FAM120B: variants seen among roughly 807,000 people sequenced by gnomAD.
FAM120B encodes the protein family with sequence similarity 120 member B, also known as constitutive coactivator of peroxisome proliferator-activated receptor gamma.
FAM120B carries 83 observed loss-of-function variants against 96.3 expected under a neutral mutation model. The ratio of observed to expected loss-of-function variants is 0.86; its 90% CI spans 0.72 to 1.03. The LOEUF is 1.03. Among genes scored for constraint, FAM120B ranks in the 50% least tolerant of loss-of-function variants. FAM120B has a pLI of 0.00. For missense variants in FAM120B, 1,027 were observed against 1,121.2 expected (o/e 0.92, Z 1.20); for synonymous variants, 407 against 402.7 (o/e 1.01, Z -0.13).
At chr6:170,385,815 A>G (rs958328722) in intron 6 of FAM120B, among the ~76,000 whole-genome samples, 3 of 152,244 alleles carry the variant, frequency 2.0e-5, no homozygotes, top group Non-Finnish European at 2.9e-5. Context: ...TACGTCTATC[A>G]AGCTATGAAA....
At chr6:170,359,583 TATGTGTGTGTGTACATGTGCGTGTAC>T (rs1351664067) in intron 6 of FAM120B, among the ~76,000 whole-genome samples, 5 of 151,980 alleles carry the variant, frequency 3.3e-5, no homozygotes, top group Admixed American at 6.5e-5. Context: ...GGCTAATTTA[TATGTGTGTGTGTACATGTGCGTGTAC>T]ATGTGTGTGT....
chr6:170,290,865 C>T (rs749380010), upstream of FAM120B: 1,129 of 664,134 alleles, frequency 1.7e-3, 3 homozygotes, highest in Non-Finnish European at 1.9e-3. This position sits in a 1 kb window ranked among gnomAD's most constrained non-coding sequence, Gnocchi z 4.7. Flanking sequence ...GCCGCGGCTG[C>T]CCGGGTTCCC....
At chr6:170,392,449 G>A (rs370573177) in intron 8 of FAM120B, among the ~76,000 whole-genome samples, 1 of 152,224 alleles carries the variant, frequency 6.6e-6, no homozygotes, top group South Asian at 2.1e-4. Flanking sequence ...CTCGTGATCC[G>A]CTGGTTTTCA....
chr6:170,322,374 A>T (rs1440843004), intron 2 of FAM120B, among the ~76,000 whole-genome samples: 1 of 152,216 alleles, frequency 6.6e-6, no homozygotes, highest in East Asian at 1.9e-4. Context: ...GTCCTGTCTA[A>T]GGGAGGAGGA....
At chr6:170,378,696 C>G (rs1227868874) in intron 6 of FAM120B, among the ~76,000 whole-genome samples, 1 of 152,140 alleles carries the variant, frequency 6.6e-6, no homozygotes, top group East Asian at 1.9e-4. Context: ...CGTAGACGGG[C>G]CTGCAAAGGG....
chr6:170,339,629 A>C (rs1786678451), intron 4 of FAM120B, among the ~76,000 whole-genome samples: 1 of 151,976 alleles, frequency 6.6e-6, no homozygotes, highest in South Asian at 2.1e-4. Flanking sequence ...AATACAAAAA[A>C]GTAGCCAGGC....
rs771879770 is a variant in FAM120B, at chr6:170,318,587, A to T, written c.1197A>T (p.Arg399=). 6.4e-7 allele frequency: 1 copy of T among 1,573,674 alleles called. No individual in the cohort carries two copies. Among genetic ancestry groups the T allele is most frequent in the Non-Finnish European group, 8.6e-7 (1 of 1,157,060 alleles). Residue 399 remains arginine, a synonymous_variant, in exon 2 of 11, where the codon CGA becomes CGT. Coordinates refer to ENST00000476287, the MANE Select transcript of FAM120B (RefSeq NM_032448.3). ...CGTGTACAGGCCCTGAATCCAGGCG[A>T]GAAGTTCCCATGTGTTCAGACCCTG... ...VPTCTGPESR[R]EVPMCSDPEP... is the part of the protein sequence containing the mutation.
intron 1 of FAM120B, chr6:170,297,870 A>C (rs1280430281): frequency 4.6e-5 from 7 of 152,262 alleles, no homozygotes; most frequent in African/African-American, 1.7e-4. Context: ...AAAAATGTAC[A>C]TAAAGTTCCC....
At chr6:170,321,480 C>G (rs1415429410) in intron 2 of FAM120B, among the ~76,000 whole-genome samples, 1 of 152,184 alleles carries the variant, frequency 6.6e-6, no homozygotes, top group East Asian at 1.9e-4. Context: ...CAGGTTCAAG[C>G]AATTCTCCTG....
intron 6 of FAM120B, among the ~76,000 whole-genome samples, chr6:170,378,534 C>G (rs1789715159): frequency 6.6e-6 from 1 of 152,248 alleles, no homozygotes; most frequent in African/African-American, 2.4e-5. Flanking sequence ...TATTCTATGC[C>G]AGACTCTGTG....
At chr6:170,368,796 A>G (rs1007839027) in intron 6 of FAM120B, among the ~76,000 whole-genome samples, 4 of 119,390 alleles carry the variant, frequency 3.4e-5, no homozygotes, top group African/African-American at 1.3e-4. Flanking sequence ...TCCATGTGCC[A>G]GCAGCTCTGC....
chr6:170,401,037 A>G (rs2115345947), intron 9 of FAM120B, among the ~76,000 whole-genome samples: 1 of 152,372 alleles, frequency 6.6e-6, no homozygotes, highest in Admixed American at 6.5e-5. Context: ...CTGTTAGCAG[A>G]GAACAGTGTC....
At chr6:170,328,773 A>G (rs1785787794) in intron 3 of FAM120B, among the ~76,000 whole-genome samples, 2 of 152,164 alleles carry the variant, frequency 1.3e-5, no homozygotes, top group South Asian at 4.1e-4. Flanking sequence ...CAGGGTCCAC[A>G]TAGTTTTGCT....
rs1193261157 is a variant in FAM120B at position 170,323,126 on chromosome 6, C to T, written c.1782C>T (p.Asn594=). Residue 594 remains asparagine, a synonymous_variant, in exon 3 of 11, where the codon AAC becomes AAT. Coordinates refer to ENST00000476287, the MANE Select transcript of FAM120B (RefSeq NM_032448.3). ...HVQAESYLVY[N]IMSSGEIECS... The stretch of plus-strand genomic sequence containing the variant: ...AAGCAGAAAGCTACCTGGTGTACAA[C>T]ATCATGAGCAGTGGAGAGATTGAAT... 3.1e-6 allele frequency: 5 copies of T among 1,614,038 alleles called. No homozygotes were observed. Among genetic ancestry groups the T allele is most frequent in the South Asian group, 1.1e-5 (1 of 91,066 alleles).
intron 4 of FAM120B, among the ~76,000 whole-genome samples, chr6:170,332,023 A>G (rs887724685): frequency 4.0e-5 from 6 of 150,580 alleles, no homozygotes; most frequent in African/African-American, 1.5e-4. Context: ...TTCCACAGCT[A>G]TTGCTCTAGA....
At chr6:170,384,530 T>TG (rs1459842617) in intron 6 of FAM120B, among the ~76,000 whole-genome samples, 1 of 152,008 alleles carries the variant, frequency 6.6e-6, no homozygotes, top group African/African-American at 2.4e-5. Flanking sequence ...CAGGTAGAAA[T>TG]GGCCATGAGA....
intron 8 of FAM120B, among the ~76,000 whole-genome samples, chr6:170,394,758 G>A (rs1304657857): frequency 6.6e-6 from 1 of 152,232 alleles, no homozygotes; most frequent in Non-Finnish European, 1.5e-5. Flanking sequence ...GGCACACCCT[G>A]CAAGGCCACT....
chr6:170,394,792 G>A (rs189914469), intron 8 of FAM120B, among the ~76,000 whole-genome samples: 2 of 152,368 alleles, frequency 1.3e-5, no homozygotes, highest in East Asian at 1.9e-4. Context: ...TAAAGCCCCA[G>A]GTGGCCTGCA....
intron 3 of FAM120B, among the ~76,000 whole-genome samples, chr6:170,327,132 C>T (rs769285685): frequency 1.3e-5 from 2 of 151,992 alleles, no homozygotes; most frequent in Non-Finnish European, 2.9e-5. Context: ...CTGCAAGCTC[C>T]GCCTCCCGGG....
Sources: allele counts gnomAD v4.1 joint callset (sites outside exome capture counted in the v4.1 genomes callset), GRCh38; gene constraint gnomAD v4.1.1; non-coding constraint Gnocchi (gnomAD v3.1); transcripts MANE v1.5; gene names NCBI Gene and HGNC (gene_info 2026-07-23, HGNC 2026-07-21).